The following COL28A1 variants were observed in gnomAD, a reference collection of about 807,000 sequenced individuals.
COL28A1 encodes collagen type XXVIII alpha 1 chain.
A neutral mutation model predicts 150.2 loss-of-function variants in COL28A1; 161 were observed. The observed-to-expected ratio is 1.07, with a 90% CI of 0.94 to 1.22. The LOEUF (loss-of-function observed/expected upper bound fraction) is 1.22, where lower values mean the gene tolerates loss of function less well. COL28A1 is among the 50% of genes most tolerant of loss of function. COL28A1 has a pLI of 0.00. For missense variants in COL28A1, 1,617 were observed against 1,388.3 expected, an observed-to-expected ratio of 1.16 and a Z score of -2.62; for synonymous variants, 552 against 469.7, an observed-to-expected ratio of 1.18 and a Z score of -2.26.
intron 30 of COL28A1, among the ~76,000 whole-genome samples, chr7:7,379,504 G>A (rs1781746830): frequency 6.6e-6 from 1 of 151,980 alleles, no homozygotes; most frequent in South Asian, 2.1e-4. Context: ...TTATCACTCC[G>A]TAGGTGAACA....
intron 11 of COL28A1, among the ~76,000 whole-genome samples, chr7:7,492,943 T>C (rs1780003501): frequency 6.7e-6 from 1 of 149,460 alleles, no homozygotes; most frequent in South Asian, 2.1e-4. Flanking sequence ...AGCCATGGAA[T>C]TTATATATAT....
At chr7:7,489,522 G>T in intron 12 of COL28A1, 65 bp from the exon 13 acceptor site, 1 of 853,672 alleles carries the variant, frequency 1.2e-6, no homozygotes, top group South Asian at 1.4e-5. Context: ...ATAGCGCAAA[G>T]TTCTCTCAAG....
At chr7:7,491,773 T>C (rs1266861970) in intron 11 of COL28A1, among the ~76,000 whole-genome samples, 1 of 152,246 alleles carries the variant, frequency 6.6e-6, no homozygotes, top group Non-Finnish European at 1.5e-5. Context: ...CTTTAAGCCC[T>C]GTGGCATGAT....
At chr7:7,355,967 G>A (rs971949409), downstream of COL28A1, among the ~76,000 whole-genome samples, 6 of 152,058 alleles carry the variant, frequency 3.9e-5, no homozygotes, top group Non-Finnish European at 7.4e-5. Flanking sequence ...GCATATTGTG[G>A]TATATTCACA....
chr7:7,530,908 G>C (rs1001272699), intron 3 of COL28A1, among the ~76,000 whole-genome samples: 4 of 152,142 alleles, frequency 2.6e-5, no homozygotes, highest in Non-Finnish European at 5.9e-5. Context: ...CTTTAGAAGA[G>C]TAAGAGAGAA....
intron 27 of COL28A1, among the ~76,000 whole-genome samples, chr7:7,415,392 G>A (rs945366485): frequency 3.9e-5 from 6 of 152,206 alleles, no homozygotes; most frequent in Admixed American, 1.3e-4. Context: ...CCCTTTTGCA[G>A]TGATGGTATT....
intron 25 of COL28A1, among the ~76,000 whole-genome samples, chr7:7,423,221 G>C (rs1784473925): frequency 6.6e-6 from 1 of 152,196 alleles, no homozygotes. Flanking sequence ...GAGGGGAGGA[G>C]TGAAGAATAT....
upstream of COL28A1, among the ~76,000 whole-genome samples, chr7:7,539,535 G>C (rs374654924): frequency 1.3e-5 from 2 of 152,134 alleles, no homozygotes; most frequent in African/African-American, 2.4e-5. Context: ...TTTGGAGGGG[G>C]CAAATATGCA....
chr7:7,517,506 TA>T (rs1781480151), intron 7 of COL28A1, among the ~76,000 whole-genome samples: 1 of 152,180 alleles, frequency 6.6e-6, no homozygotes, highest in Admixed American at 6.5e-5. Context: ...ACTTAAGAAA[TA>T]AAGCAAACAG....
At chr7:7,494,519 A>G (rs1780099364) in intron 11 of COL28A1, among the ~76,000 whole-genome samples, 1 of 152,248 alleles carries the variant, frequency 6.6e-6, no homozygotes, top group African/African-American at 2.4e-5. Context: ...AGGATTCAAG[A>G]TATTGTCTGC....
chr7:7,371,944 C>T (rs1219052482), intron 32 of COL28A1, among the ~76,000 whole-genome samples: 3 of 151,942 alleles, frequency 2.0e-5, no homozygotes, highest in South Asian at 2.1e-4. Context: ...GCAATTCTTC[C>T]GCCTCAGCTT....
chr7:7,376,578 C>T (rs972518944), intron 30 of COL28A1, among the ~76,000 whole-genome samples: 8 of 151,520 alleles, frequency 5.3e-5, no homozygotes, highest in Admixed American at 2.6e-4. Flanking sequence ...CATGCTTTTC[C>T]GCATTTAAAA....
At chr7:7,404,218 T>C (rs1416140450) in intron 27 of COL28A1, among the ~76,000 whole-genome samples, 1 of 151,946 alleles carries the variant, frequency 6.6e-6, no homozygotes, top group Non-Finnish European at 1.5e-5. Context: ...GGGGAGGGAT[T>C]CTAAAACACA....
upstream of COL28A1, among the ~76,000 whole-genome samples, chr7:7,539,463 T>A (rs1442823048): frequency 6.6e-6 from 1 of 152,166 alleles, no homozygotes; most frequent in Admixed American, 6.5e-5. Context: ...TCCACCCACA[T>A]GACCCAAACG....
At chr7:7,379,212 G>A (rs1161890244) in intron 30 of COL28A1, among the ~76,000 whole-genome samples, 2 of 152,192 alleles carry the variant, frequency 1.3e-5, no homozygotes, top group Non-Finnish European at 2.9e-5. Context: ...TAGGTAAGGA[G>A]CCTAACATGT....
intron 9 of COL28A1, among the ~76,000 whole-genome samples, chr7:7,508,007 C>T (rs1178843069): frequency 1.3e-5 from 2 of 151,992 alleles, no homozygotes; most frequent in Non-Finnish European, 2.9e-5. Flanking sequence ...CCGAGGCGGG[C>T]GGATCACGAG....
chr7:7,393,850 CT>C (rs751786911), intron 27 of COL28A1, among the ~76,000 whole-genome samples: 1 of 152,176 alleles, frequency 6.6e-6, no homozygotes, highest in East Asian at 1.9e-4. Context: ...GCCATTGGAT[CT>C]TAGCTTGCTA....
At chr7:7,508,535 G>C (rs1331377203) in intron 9 of COL28A1, among the ~76,000 whole-genome samples, 1 of 152,198 alleles carries the variant, frequency 6.6e-6, no homozygotes, top group African/African-American at 2.4e-5. Context: ...AAGTTTGTTT[G>C]TTAATCATTT....
At chr7:7,417,478 G>A (rs1437698834) in intron 27 of COL28A1, among the ~76,000 whole-genome samples, 2 of 133,552 alleles carry the variant, frequency 1.5e-5, no homozygotes, top group African/African-American at 5.6e-5. Context: ...GAGGATACAG[G>A]TGAGGAAGGT....
Sources: allele counts gnomAD v4.1 joint callset (sites outside exome capture counted in the v4.1 genomes callset), GRCh38; gene constraint gnomAD v4.1.1; transcripts MANE v1.5; gene names NCBI Gene and HGNC (gene_info 2026-07-23, HGNC 2026-07-21).